The following ZNF892 variants were observed in gnomAD, a reference collection of about 807,000 sequenced individuals.
ZNF892 encodes zinc finger protein 892.
the ZNF892 span, among the ~76,000 whole-genome samples, chr2:95,241,759 T>C: frequency 6.6e-6 from 1 of 152,116 alleles, no homozygotes; most frequent in Non-Finnish European, 1.5e-5. Flanking sequence ...TATAAAATGA[T>C]ACAGGAGCTG....
chr2:95,212,344 G>A, the ZNF892 span: 3 of 398,008 alleles, frequency 7.5e-6, no homozygotes, highest in African/African-American at 2.1e-5. Flanking sequence ...TGTGGAGGAG[G>A]AGCCTGTCCA....
At chr2:95,211,925 C>T in the ZNF892 span, among the ~76,000 whole-genome samples, 2 of 152,192 alleles carry the variant, frequency 1.3e-5, no homozygotes, top group African/African-American at 2.4e-5. Context: ...GGACTTGTAG[C>T]ATCCTTCTTC....
the ZNF892 span, among the ~76,000 whole-genome samples, chr2:95,257,343 C>G: frequency 6.6e-6 from 1 of 152,126 alleles, no homozygotes; most frequent in African/African-American, 2.4e-5. Flanking sequence ...TACTCCAGAC[C>G]CTGTTTGCCT....
the ZNF892 span, among the ~76,000 whole-genome samples, chr2:95,256,971 C>T: frequency 1.3e-5 from 2 of 152,000 alleles, no homozygotes; most frequent in Non-Finnish European, 2.9e-5. Flanking sequence ...GTTAGCCATT[C>T]GTCTAATCTT....
chr2:95,217,393 C>T, the ZNF892 span, among the ~76,000 whole-genome samples: 24 of 152,238 alleles, frequency 1.6e-4, no homozygotes, highest in African/African-American at 3.6e-4. Flanking sequence ...GTGCAGAATA[C>T]GTTTATTCCA....
chr2:95,246,267 C>G, the ZNF892 span, among the ~76,000 whole-genome samples: 9 of 152,152 alleles, frequency 5.9e-5, no homozygotes, highest in African/African-American at 2.2e-4. Flanking sequence ...ACAAAAACCA[C>G]GTGATTATCT....
the ZNF892 span, among the ~76,000 whole-genome samples, chr2:95,262,401 G>C: frequency 6.6e-6 from 1 of 152,136 alleles, no homozygotes; most frequent in African/African-American, 2.4e-5. Flanking sequence ...CAGAGTGCCC[G>C]GCCGAAAGTT....
At chr2:95,210,488 A>C in the ZNF892 span, among the ~76,000 whole-genome samples, 1 of 152,318 alleles carries the variant, frequency 6.6e-6, no homozygotes, top group African/African-American at 2.4e-5. Flanking sequence ...TCAGTATTTT[A>C]GTAAACAAAC....
chr2:95,206,644 G>C, the ZNF892 span, among the ~76,000 whole-genome samples: 1 of 152,196 alleles, frequency 6.6e-6, no homozygotes, highest in African/African-American at 2.4e-5. Context: ...TGCCGGACAC[G>C]AACTCAAGGC....
chr2:95,214,520 ATCT>A, the ZNF892 span: 2 of 398,584 alleles, frequency 5.0e-6, no homozygotes, highest in Non-Finnish European at 4.4e-6. Context: ...TCACTGAGAA[ATCT>A]TCTAGGGAGA....
the ZNF892 span, among the ~76,000 whole-genome samples, chr2:95,223,969 A>G: frequency 1.3e-5 from 2 of 152,226 alleles, no homozygotes; most frequent in African/African-American, 4.8e-5. Flanking sequence ...GCCCTCATGA[A>G]TGAGCTCAGT....
At chr2:95,245,887 GA>G in the ZNF892 span, among the ~76,000 whole-genome samples, 1 of 151,868 alleles carries the variant, frequency 6.6e-6, no homozygotes, top group Non-Finnish European at 1.5e-5. Flanking sequence ...GCCTACCAAT[GA>G]AAAAAAGCCC....
At chr2:95,220,250 G>A in the ZNF892 span, among the ~76,000 whole-genome samples, 1 of 152,148 alleles carries the variant, frequency 6.6e-6, no homozygotes, top group Non-Finnish European at 1.5e-5. Flanking sequence ...TTCTTCTGTG[G>A]TCTTTGAAGT....
chr2:95,259,084 C>G, the ZNF892 span: 10 of 152,132 alleles, frequency 6.6e-5, no homozygotes, highest in Admixed American at 6.6e-4. Flanking sequence ...AGGGAATTCT[C>G]TTGGCGACAA....
At chr2:95,241,241 G>A in the ZNF892 span, among the ~76,000 whole-genome samples, 2 of 152,140 alleles carry the variant, frequency 1.3e-5, no homozygotes, top group African/African-American at 4.8e-5. Flanking sequence ...TGTTTGGGCC[G>A]GCAACAGGTC....
At chr2:95,233,700 A>AAAAT in the ZNF892 span, among the ~76,000 whole-genome samples, 1 of 148,758 alleles carries the variant, frequency 6.7e-6, no homozygotes, top group Admixed American at 6.7e-5. Flanking sequence ...AAAAAAAAAA[A>AAAAT]TCTCGCTATG....
the ZNF892 span, chr2:95,211,653 C>A: frequency 2.5e-6 from 1 of 398,580 alleles, no homozygotes; most frequent in Non-Finnish European, 4.4e-6. Flanking sequence ...AGGCTCTCAC[C>A]CAGTGGAGGC....
At chr2:95,207,660 G>C in the ZNF892 span, 1 of 395,666 alleles carries the variant, frequency 2.5e-6, no homozygotes, top group African/African-American at 2.1e-5. Context: ...CTTTTAATCT[G>C]AGTGTCCGGG....
chr2:95,230,794 C>T, the ZNF892 span, among the ~76,000 whole-genome samples: 2 of 152,158 alleles, frequency 1.3e-5, no homozygotes, highest in African/African-American at 2.4e-5. Flanking sequence ...GGGGGTTGCT[C>T]TTATGTTTTC....
Sources: allele counts gnomAD v4.1 joint callset (sites outside exome capture counted in the v4.1 genomes callset), GRCh38; gene constraint gnomAD v4.1.1; transcripts MANE v1.5; gene names NCBI Gene and HGNC (gene_info 2026-07-23, HGNC 2026-07-21).